The following DCC variants were observed in gnomAD, a reference collection of about 807,000 sequenced individuals.
The protein encoded by DCC is netrin receptor DCC.
DCC carries 58 observed loss-of-function variants against 172.5 expected under a neutral mutation model. That is an observed-to-expected ratio of 0.34 (90% CI 0.27 to 0.42). DCC has a LOEUF of 0.42. Ranked by LOEUF, DCC falls within the 10% of genes least tolerant of loss-of-function variation. The pLI is 1.00. For missense variants in DCC, 1,740 were observed against 1,791.0 expected (o/e 0.97, Z 0.51); for synonymous variants, 709 against 644.5 (o/e 1.10, Z -1.52).
At chr18:53,294,277 G>T (rs2057039982) in intron 12 of DCC, among the ~76,000 whole-genome samples, 1 of 152,162 alleles carries the variant, frequency 6.6e-6, no homozygotes, top group South Asian at 2.1e-4. Context: ...ACTTGAAAAA[G>T]ATCTTGGGGA....
intron 8 of DCC, among the ~76,000 whole-genome samples, chr18:53,162,514 C>T (rs2054858802): frequency 6.6e-6 from 1 of 152,116 alleles, no homozygotes; most frequent in African/African-American, 2.4e-5. Context: ...TTTTCTCATT[C>T]ACAGAATTAA....
At chr18:52,737,066 G>T (rs1182920156) in intron 1 of DCC, among the ~76,000 whole-genome samples, 1 of 152,158 alleles carries the variant, frequency 6.6e-6, no homozygotes, top group African/African-American at 2.4e-5. Flanking sequence ...AAGGGGACTT[G>T]CTGTTTATTA....
chr18:52,495,002 G>T (rs73957907), intron 1 of DCC, among the ~76,000 whole-genome samples: 8,707 of 152,110 alleles, frequency 0.057, 307 homozygotes, highest in South Asian at 0.12. Context: ...AAGGGACTGA[G>T]CTGAATCAAG....
intron 1 of DCC, among the ~76,000 whole-genome samples, chr18:52,362,963 A>G (rs907398345): frequency 7.9e-5 from 12 of 151,508 alleles, no homozygotes; most frequent in African/African-American, 2.9e-4. Context: ...CAGTGGCGGG[A>G]TCTCGGCTTA....
At chr18:53,327,625 G>C (rs1251992486) in intron 14 of DCC, among the ~76,000 whole-genome samples, 1 of 152,114 alleles carries the variant, frequency 6.6e-6, no homozygotes, top group Non-Finnish European at 1.5e-5. Context: ...CTAGGAGCTG[G>C]CCCTAATTTC....
intron 1 of DCC, among the ~76,000 whole-genome samples, chr18:52,342,154 C>T (rs1479814096): frequency 6.6e-6 from 1 of 152,202 alleles, no homozygotes; most frequent in Admixed American, 6.5e-5. Context: ...GCCAAGGCAG[C>T]CCGAGGCTCC....
intron 2 of DCC, among the ~76,000 whole-genome samples, chr18:52,832,243 T>G (rs543299908): frequency 5.2e-4 from 79 of 152,188 alleles, no homozygotes; most frequent in African/African-American, 1.9e-3. Context: ...GTGGGTTTCA[T>G]AGGGGAAAGA....
intron 14 of DCC, among the ~76,000 whole-genome samples, chr18:53,337,340 T>C (rs571507958): frequency 1.3e-5 from 2 of 152,364 alleles, no homozygotes; most frequent in South Asian, 4.1e-4. Context: ...GTTGTTTTAA[T>C]AGTTAGTGCA....
chr18:53,431,557 G>A (rs535696015), intron 21 of DCC, among the ~76,000 whole-genome samples: 4 of 151,438 alleles, frequency 2.6e-5, no homozygotes, highest in Non-Finnish European at 5.9e-5. Flanking sequence ...TCGCAGTCTC[G>A]GCTCACTGCA....
chr18:52,453,029 G>A (rs542822407), intron 1 of DCC, among the ~76,000 whole-genome samples: 71 of 152,338 alleles, frequency 4.7e-4, no homozygotes, highest in African/African-American at 1.5e-3. Flanking sequence ...TGTGCCCAGC[G>A]AATGTGCATG....
chr18:52,648,699 G>A (rs1568274023), intron 1 of DCC, among the ~76,000 whole-genome samples: 1 of 152,118 alleles, frequency 6.6e-6, no homozygotes, highest in South Asian at 2.1e-4. Context: ...TTTTACTAGA[G>A]TTGAGGGAAA....
chr18:52,465,744 C>T (rs529867379), intron 1 of DCC, among the ~76,000 whole-genome samples: 2 of 147,592 alleles, frequency 1.4e-5, no homozygotes, highest in South Asian at 4.2e-4. Flanking sequence ...AACTTCCCTC[C>T]TCTAACTTCC....
chr18:53,316,921 A>G (rs981951774), intron 13 of DCC, among the ~76,000 whole-genome samples: 49 of 152,186 alleles, frequency 3.2e-4, no homozygotes, highest in Non-Finnish European at 1.9e-4. Flanking sequence ...CTTTCTTCCT[A>G]TCTGAATACC....
intron 25 of DCC, among the ~76,000 whole-genome samples, chr18:53,473,597 C>G (rs899330094): frequency 6.6e-6 from 1 of 152,018 alleles, no homozygotes; most frequent in Admixed American, 6.6e-5. Context: ...TTGGTAAATA[C>G]CTTGCTAATT....
chr18:52,830,253 A>G (rs1408362622), intron 2 of DCC, among the ~76,000 whole-genome samples: 1 of 152,158 alleles, frequency 6.6e-6, no homozygotes, highest in Non-Finnish European at 1.5e-5. Context: ...ACACAAACTC[A>G]CAAACTTTCT....
intron 18 of DCC, among the ~76,000 whole-genome samples, chr18:53,400,750 A>AT (rs1229820307): frequency 1.3e-5 from 2 of 152,168 alleles, no homozygotes; most frequent in African/African-American, 2.4e-5. Context: ...TGGTTGTTAG[A>AT]TTTTTTTAAA....
In DCC at chr18:53,474,899, A is replaced by G. The variant is rs147871133; in HGVS notation, c.3736+6889A>G. Among the ~76,000 whole-genome samples the G allele has an allele frequency of 2.7e-3, 406 of 152,322 alleles. 2 individuals are homozygous for G. The highest frequency in any genetic ancestry group is 4.0e-3 in the Non-Finnish European group (272 of 68,038). ...TGGGAAAGTTTGGAACTTCCTAGAG[A>G]CTTGTTGAATGGCTTTGGCCAAAAT... On this transcript the variant is annotated intron_variant, in intron 25 of 28. Coordinates refer to ENST00000442544, the MANE Select transcript of DCC (RefSeq NM_005215.4).
chr18:52,823,094 A>T (rs1332792152), intron 2 of DCC, among the ~76,000 whole-genome samples: 1 of 152,210 alleles, frequency 6.6e-6, no homozygotes, highest in East Asian at 1.9e-4. Flanking sequence ...TTCTCAGGCT[A>T]TTCCAACAGG....
Position 53,411,934 on chromosome 18 carries a change from A to G in DCC, c.3130+1288A>G, listed in dbSNP as rs1226573496. Among the ~76,000 whole-genome samples, 3 of 152,150 alleles carry G rather than the reference A, an allele frequency of 2.0e-5. 1 individual carries two copies. Among genetic ancestry groups the G allele is most frequent in the Admixed American group, 6.6e-5 (1 of 15,256 alleles). On this transcript the variant is annotated intron_variant, in intron 20 of 28. Transcript: ENST00000442544. ...AGTGTTTTGCAAATGCTTCATTTTTATCTATAGATGAGTGCCAAATTAATT... is the reference window on the plus strand; with the variant it reads ...AGTGTTTTGCAAATGCTTCATTTTTGTCTATAGATGAGTGCCAAATTAATT...
Sources: allele counts gnomAD v4.1 joint callset (sites outside exome capture counted in the v4.1 genomes callset), GRCh38; gene constraint gnomAD v4.1.1; transcripts MANE v1.5; gene names NCBI Gene and HGNC (gene_info 2026-07-23, HGNC 2026-07-21).